DMRTA2: variants seen among roughly 807,000 people sequenced by gnomAD.
The protein encoded by DMRTA2 is DMRT like family A2, also known as doublesex- and mab-3-related transcription factor A2.
A neutral mutation model predicts 29.7 loss-of-function variants in DMRTA2; 10 were observed. The observed-to-expected ratio is 0.34, with a 90% CI of 0.21 to 0.57. DMRTA2 has a LOEUF of 0.57. Ranked by LOEUF, DMRTA2 falls within the 20% of genes least tolerant of loss-of-function variation. DMRTA2 has a pLI of 0.87. For missense variants in DMRTA2, 783 were observed against 812.1 expected, an observed-to-expected ratio of 0.96 and a Z score of 0.44; for synonymous variants, 469 against 402.6, an observed-to-expected ratio of 1.16 and a Z score of -1.97.
At position 50,419,137 on chromosome 1, in the gene DMRTA2, C is replaced by A; in HGVS notation, c.1157G>T (p.Arg386Leu). 1 of 1,179,856 alleles carries A rather than the reference C, an allele frequency of 8.5e-7. No homozygotes were observed. The allele number at this position is 1,179,856 out of a possible 1,614,324, so 73.1% of individuals were successfully genotyped here. ...AAAADDAWPS[R>L]VDAAAAAAAA... ...GGCGGCGGCGGCGGCGGCGTCGACG[C>A]GGCTGGGCCACGCGTCGTCTGCAGC... The change falls in exon 3 of 3, where the codon CGC becomes CTC. Residue 386 changes from arginine (R) to leucine (L), a missense_variant. By Grantham distance (102) the Arg-to-Leu change is moderately radical. Around this residue, in one of 3 missense-constraint regions of DMRTA2, gnomAD observed 667 missense variants for 624.8 expected, o/e 1.07. Transcript: ENST00000404795. The surrounding 1 kb of genome is among the most constrained non-coding windows in gnomAD (Gnocchi z 6.1).
Position 50,422,187 on chromosome 1 carries a change from G to A in DMRTA2, c.-8-643C>T, listed in dbSNP as rs945925854. 5.3e-5 allele frequency among the ~76,000 whole-genome samples: 8 copies of A among 152,216 alleles called. No homozygotes were observed. Among genetic ancestry groups the A allele is most frequent in the Admixed American group, 3.9e-4 (6 of 15,280 alleles). ...ACAACAGAAAGAATAGCTTTAGGAA[G>A]CAGAGTGAGGACGAGGAAACAACTT... On this transcript the variant is annotated intron_variant, in intron 1 of 2. Transcript: ENST00000404795. This position sits in a 1 kb window ranked among gnomAD's most constrained non-coding sequence, Gnocchi z 5.7.
Position 50,419,283 on chromosome 1 carries a change from C to T in DMRTA2, c.1011G>A (p.Gln337=). The change falls in exon 3 of 3, where the codon CAG becomes CAA. Residue 337 remains glutamine, a synonymous_variant. Coordinates refer to ENST00000404795, the MANE Select transcript of DMRTA2 (RefSeq NM_032110.3). This position sits in a 1 kb window ranked among gnomAD's most constrained non-coding sequence, Gnocchi z 6.1. The part of the protein sequence containing the change: ...HRRGVLELVL[Q]GCGGDVVQAI... ...CCTGCACCACGTCGCCGCCGCAGCCCTGCAACACCAGCTCCAGGACGCCTC... is the reference window on the plus strand; with the variant it reads ...CCTGCACCACGTCGCCGCCGCAGCCTTGCAACACCAGCTCCAGGACGCCTC... 6.3e-7 allele frequency: 1 copy of T among 1,593,944 alleles called. No homozygotes were observed. The highest frequency in any genetic ancestry group is 8.5e-7 in the Non-Finnish European group (1 of 1,178,058).
In DMRTA2 at chr1:50,418,572, CAG is replaced by C; in HGVS notation, c.*91_*92del. 8.9e-7 allele frequency: 1 copy of C among 1,129,562 alleles called. No homozygotes were observed. The highest frequency in any genetic ancestry group is 1.2e-6 in the Non-Finnish European group (1 of 864,876). The allele number at this position is 1,129,562 out of a possible 1,614,324, so 70.0% of individuals were successfully genotyped here. On this transcript the variant is annotated 3_prime_UTR_variant, in exon 3 of 3. Coordinates refer to ENST00000404795, the MANE Select transcript of DMRTA2 (RefSeq NM_032110.3). ...AGTGAGAAGACGCCCAGCCAGGGCG[CAG>C]AGAGAGCGCTGGGCGAAGAGGGGTC... is the stretch of plus-strand genomic sequence containing the variant.
rs1645997175 is a variant in DMRTA2 at position 50,417,864 on chromosome 1, T to C, written c.*801A>G. On this transcript the variant is annotated 3_prime_UTR_variant, in exon 3 of 3. Transcript: ENST00000404795. ...CCTGATAAGTACAATGCGCGCATAG[T>C]CTAATTTTTTTCCATTTTGTCCCTT... 1 of 152,194 alleles carries C rather than the reference T, an allele frequency of 6.6e-6. No individual in the cohort carries two copies. Among genetic ancestry groups the C allele is most frequent in the Admixed American group, 6.5e-5 (1 of 15,286 alleles). 9.4% of individuals were successfully genotyped at this position (152,194 alleles called of 1,614,324 possible). A position where few individuals can be genotyped will look rare whatever the true frequency, so the allele number is the denominator to read the frequency against.
Position 50,420,922 on chromosome 1 carries a change from C to A in DMRTA2, c.559+56G>T, listed in dbSNP as rs1027340548. 2 of 1,397,710 alleles carry A rather than the reference C, an allele frequency of 1.4e-6. No homozygotes were observed. Among genetic ancestry groups the A allele is most frequent in the African/African-American group, 3.1e-5 (2 of 65,368 alleles). 86.6% of individuals were successfully genotyped at this position (1,397,710 alleles called of 1,614,324 possible). ...TGAACCGAGACAAGCCCCTGGGCCC[C>A]GTGCCCCAGAGCTACGATCCTGCTG... is the stretch of plus-strand genomic sequence containing the variant. On this transcript the variant is annotated intron_variant, in intron 2 of 2. Coordinates refer to ENST00000404795, the MANE Select transcript of DMRTA2 (RefSeq NM_032110.3). This position sits in a 1 kb window ranked among gnomAD's most constrained non-coding sequence, Gnocchi z 4.1.
At position 50,422,142 on chromosome 1, in the gene DMRTA2, A is replaced by G. The variant is rs1225817502; in HGVS notation, c.-8-598T>C. On this transcript the variant is annotated intron_variant, in intron 1 of 2. Transcript: ENST00000404795. The surrounding 1 kb of genome is among the most constrained non-coding windows in gnomAD (Gnocchi z 5.7). ...TATTTTTAATGCAGTTTGGGGCAGA[A>G]GCTTTGGAGAGAAAAATCAACAACA... Among the ~76,000 whole-genome samples the G allele has an allele frequency of 1.3e-5, 2 of 152,182 alleles. No individual in the cohort carries two copies. The highest frequency in any genetic ancestry group is 4.8e-5 in the African/African-American group (2 of 41,440).
At position 50,418,634 on chromosome 1, in the gene DMRTA2, T is replaced by C; in HGVS notation, c.*31A>G. ...CGGGAACAGGGCTGGGGTTCCTGTT[T>C]GGGGACCGGCCGGCTGCCAGGCCCC... On this transcript the variant is annotated 3_prime_UTR_variant, in exon 3 of 3. Coordinates refer to ENST00000404795, the MANE Select transcript of DMRTA2 (RefSeq NM_032110.3). 1 of 1,365,158 alleles carries C rather than the reference T, an allele frequency of 7.3e-7. No individual in the cohort carries two copies. The highest frequency in any genetic ancestry group is 9.5e-7 in the Non-Finnish European group (1 of 1,055,184). 84.6% of individuals were successfully genotyped at this position (1,365,158 alleles called of 1,614,324 possible).
Position 50,421,378 on chromosome 1 carries a change from C to G in DMRTA2, c.159G>C (p.Gly53=), listed in dbSNP as rs968821956. 4.0e-6 allele frequency: 6 copies of G among 1,496,802 alleles called. No homozygotes were observed. The African/African-American group carries it at 5.8e-5, about 15-fold the overall frequency. 92.7% of individuals were successfully genotyped at this position (1,496,802 alleles called of 1,614,324 possible). The change falls in exon 2 of 3, where the codon GGG becomes GGC. Residue 53 remains glycine (G), a synonymous_variant. Transcript: ENST00000404795. The surrounding 1 kb of genome is among the most constrained non-coding windows in gnomAD (Gnocchi z 8.7). ...CGGCTGCCCGCAGCAACAGTGGCGG[C>G]CCCCGCAGCAAGCCGCCTGCCACGC... ...PVSVAGGLLR[G]PPLLLRAAEK...
In DMRTA2 at chr1:50,419,615, C is replaced by G. The variant is rs751742435; in HGVS notation, c.679G>C (p.Gly227Arg). Reference sequence around the variant, plus strand: ...GGCCGCACCTCTGGGGACGACGTCCCGGGCCCCGAGTCTGCGCCGTCGGGT... The same window carrying G: ...GGCCGCACCTCTGGGGACGACGTCCGGGGCCCCGAGTCTGCGCCGTCGGGT... ...LSPDGADSGP[G>R]TSSPEVRPGS... Residue 227 changes from glycine (G) to arginine (R), a missense_variant, in exon 3 of 3, where the codon GGG (glycine) becomes CGG (arginine). Physicochemically the swap from Gly to Arg is moderately radical, Grantham distance 125. Around this residue, in one of 3 missense-constraint regions of DMRTA2, gnomAD observed 667 missense variants for 624.8 expected, o/e 1.07. Transcript: ENST00000404795. The surrounding 1 kb of genome is among the most constrained non-coding windows in gnomAD (Gnocchi z 6.1). 4 of 1,530,824 alleles carry G rather than the reference C, an allele frequency of 2.6e-6. No homozygotes were observed. Among genetic ancestry groups the G allele is most frequent in the African/African-American group, 1.4e-5 (1 of 70,532 alleles). The allele number at this position is 1,530,824 out of a possible 1,614,324, so 94.8% of individuals were successfully genotyped here.
rs953992020 is a variant in DMRTA2 at position 50,420,583 on chromosome 1, G to A, written c.559+395C>T. On this transcript the variant is annotated intron_variant, in intron 2 of 2. Coordinates refer to ENST00000404795, the MANE Select transcript of DMRTA2 (RefSeq NM_032110.3). This position sits in a 1 kb window ranked among gnomAD's most constrained non-coding sequence, Gnocchi z 4.1. ...ACCTAGGGTGTCAGTTAAAGGGGGG[G>A]GGATTCCTTAAGGGAGTTGGGAAGG... Among the ~76,000 whole-genome samples the A allele has an allele frequency of 2.0e-5, 3 of 152,086 alleles. No individual in the cohort carries two copies. Among genetic ancestry groups the A allele is most frequent in the Non-Finnish European group, 1.5e-5 (1 of 68,010 alleles).
At position 50,419,231 on chromosome 1, in the gene DMRTA2, G is replaced by A. The variant is rs1646016473; in HGVS notation, c.1063C>T (p.Arg355Cys). The change falls in exon 3 of 3, where the codon CGT becomes TGT. Residue 355 changes from arginine (R) to cysteine (C), a missense_variant. Transcript: ENST00000404795. The surrounding 1 kb of genome is among the most constrained non-coding windows in gnomAD (Gnocchi z 6.1). ...CCCAGGCCGGCCGCCAGGCCCCCAC[G>A]GTGGTGGTTCAGCACCTGCTCGATG... ...QAIEQVLNHH[R>C]GGLAAGLGPA... The A allele has an allele frequency of 6.6e-7, 1 of 1,505,952 alleles. No individual in the cohort carries two copies. The highest frequency in any genetic ancestry group is 8.8e-7 in the Non-Finnish European group (1 of 1,134,390). The allele number at this position is 1,505,952 out of a possible 1,614,324, so 93.3% of individuals were successfully genotyped here.
At position 50,422,788 on chromosome 1, in the gene DMRTA2, C is replaced by G. The variant is rs1267130125; in HGVS notation, c.-9+328G>C. Reference sequence around the variant, plus strand: ...CTAGGACACGGATGGCCCAGCAGGCCGCACCAAGCCAGGGGAGTCGCCTTC... The same window carrying G: ...CTAGGACACGGATGGCCCAGCAGGCGGCACCAAGCCAGGGGAGTCGCCTTC... On this transcript the variant is annotated intron_variant, in intron 1 of 2. Coordinates refer to ENST00000404795, the MANE Select transcript of DMRTA2 (RefSeq NM_032110.3). This position sits in a 1 kb window ranked among gnomAD's most constrained non-coding sequence, Gnocchi z 5.7. 3.3e-5 allele frequency among the ~76,000 whole-genome samples: 5 copies of G among 152,170 alleles called. No individual in the cohort carries two copies. The highest frequency in any genetic ancestry group is 1.2e-4 in the African/African-American group (5 of 41,438).
At position 50,420,241 on chromosome 1, in the gene DMRTA2, T is replaced by G. The variant is rs1646025829; in HGVS notation, c.560-507A>C. ...GCAGAAGTACAGCCCCTGTTTCTAA[T>G]CCACCCTTTCCAAAATTGAGACCTG... On this transcript the variant is annotated intron_variant, in intron 2 of 2. Coordinates refer to ENST00000404795, the MANE Select transcript of DMRTA2 (RefSeq NM_032110.3). The surrounding 1 kb of genome is among the most constrained non-coding windows in gnomAD (Gnocchi z 4.1). 6.6e-6 allele frequency among the ~76,000 whole-genome samples: 1 copy of G among 152,136 alleles called. No homozygotes were observed. Among genetic ancestry groups the G allele is most frequent in the East Asian group, 1.9e-4 (1 of 5,178 alleles).
At position 50,421,513 on chromosome 1, in the gene DMRTA2, G is replaced by A; in HGVS notation, c.24C>T (p.Pro8=). Residue 8 remains proline (P), a synonymous_variant, in exon 2 of 3, where the codon CCC becomes CCT. Transcript: ENST00000404795. The surrounding 1 kb of genome is among the most constrained non-coding windows in gnomAD (Gnocchi z 8.7). ...CCGCCGTCGCCGCGCCGGGCACGCT[G>A]GGCAGCTCCGAGCGCAGCTCCATGA... MELRSEL[P]SVPGAATAAA... 1 of 1,266,892 alleles carries A rather than the reference G, an allele frequency of 7.9e-7. No individual in the cohort carries two copies. Among genetic ancestry groups the A allele is most frequent in the East Asian group, 3.1e-5 (1 of 31,772 alleles). 78.5% of individuals were successfully genotyped at this position (1,266,892 alleles called of 1,614,324 possible).
Position 50,419,406 on chromosome 1 carries a change from CTCT to C in DMRTA2, c.885_887del (p.Glu296del), listed in dbSNP as rs762169869. 112 of 1,597,554 alleles carry C rather than the reference CTCT, an allele frequency of 7.0e-5. No individual in the cohort carries two copies. The highest frequency in any genetic ancestry group is 1.6e-4 in the Middle Eastern group (1 of 6,068). ...GCCCTGGCGCCGGCGCGGCCTCACC[CTCT>C]TCTTTGTCAGCCTCTGAACCGGATT... On this transcript the variant is annotated inframe_deletion, in exon 3 of 3. Transcript: ENST00000404795. The surrounding 1 kb of genome is among the most constrained non-coding windows in gnomAD (Gnocchi z 6.1).
rs1180728023 is a variant in DMRTA2, at chr1:50,419,611, G to A, written c.683C>T (p.Thr228Met). The A allele has an allele frequency of 6.5e-7, 1 of 1,533,398 alleles. No homozygotes were observed. The allele number at this position is 1,533,398 out of a possible 1,614,324, so 95.0% of individuals were successfully genotyped here. A position where few individuals can be genotyped will look rare whatever the true frequency, so the allele number is the denominator to read the frequency against. Residue 228 changes from threonine to methionine, a missense_variant, in exon 3 of 3, where the codon ACG becomes ATG. This residue lies in a region of DMRTA2 where 667 missense variants were observed against 624.8 expected (regional missense o/e 1.07). Transcript: ENST00000404795. This position sits in a 1 kb window ranked among gnomAD's most constrained non-coding sequence, Gnocchi z 6.1. ...SPDGADSGPGTSSPEVRPGSG... is the reference protein window; with the variant it reads ...SPDGADSGPGMSSPEVRPGSG... Reference sequence around the variant, plus strand: ...GCCGGGCCGCACCTCTGGGGACGACGTCCCGGGCCCCGAGTCTGCGCCGTC... The same window carrying A: ...GCCGGGCCGCACCTCTGGGGACGACATCCCGGGCCCCGAGTCTGCGCCGTC...
In DMRTA2 at chr1:50,418,800, G is replaced by T. The variant is rs749971395; in HGVS notation, c.1494C>A (p.Arg498=). The T allele has an allele frequency of 4.4e-6, 7 of 1,588,166 alleles. No individual in the cohort carries two copies. In the South Asian group the frequency reaches 8.0e-5, roughly 18 times the overall value. ...TAGLVPTLGF[R]PPMDYAFSDL... is the part of the protein sequence containing the mutation. Reference sequence around the variant, plus strand: ...CGCTAAAGGCGTAGTCCATGGGTGGGCGGAAGCCGAGCGTGGGCACCAAGC... The same window carrying T: ...CGCTAAAGGCGTAGTCCATGGGTGGTCGGAAGCCGAGCGTGGGCACCAAGC... Residue 498 remains arginine, a synonymous_variant, in exon 3 of 3, where the codon CGC becomes CGA. Coordinates refer to ENST00000404795, the MANE Select transcript of DMRTA2 (RefSeq NM_032110.3).
In DMRTA2 at chr1:50,421,566, GA is replaced by G; in HGVS notation, c.-8-23del. On this transcript the variant is annotated intron_variant, in intron 1 of 2. Coordinates refer to ENST00000404795, the MANE Select transcript of DMRTA2 (RefSeq NM_032110.3). This position sits in a 1 kb window ranked among gnomAD's most constrained non-coding sequence, Gnocchi z 8.7. ...GGACCTGACGGGAAAGAAGGTGGGA[GA>G]GGGGAGAGACCTGGTGAGGAGCACA... 4 of 1,240,790 alleles carry G rather than the reference GA, an allele frequency of 3.2e-6. No individual in the cohort carries two copies. Among genetic ancestry groups the G allele is most frequent in the Non-Finnish European group, 4.0e-6 (4 of 995,194 alleles). The allele number at this position is 1,240,790 out of a possible 1,614,324, so 76.9% of individuals were successfully genotyped here.
In DMRTA2 at chr1:50,419,078, G is replaced by C; in HGVS notation, c.1216C>G (p.Leu406Val). 8.0e-7 allele frequency: 1 copy of C among 1,254,908 alleles called. No individual in the cohort carries two copies. The highest frequency in any genetic ancestry group is 1.0e-6 in the Non-Finnish European group (1 of 1,003,560). 77.7% of individuals were successfully genotyped at this position (1,254,908 alleles called of 1,614,324 possible). ...AAGGPGLPAP[L>V]QAGPAAPPHH... The stretch of plus-strand genomic sequence containing the variant: ...GGAGGTGCGGCGGGCCCCGCCTGCA[G>C]CGGCGCAGGCAGCCCAGGCCCCCCG... Residue 406 changes from leucine (L) to valine (V), a missense_variant, in exon 3 of 3, where the codon CTG becomes GTG. By Grantham distance (32) the Leu-to-Val change is conservative (BLOSUM62 1). This residue lies in a region of DMRTA2 where 667 missense variants were observed against 624.8 expected (regional missense o/e 1.07). Transcript: ENST00000404795. This position sits in a 1 kb window ranked among gnomAD's most constrained non-coding sequence, Gnocchi z 6.1.
Sources: allele counts gnomAD v4.1 joint callset (sites outside exome capture counted in the v4.1 genomes callset), GRCh38; gene constraint gnomAD v4.1.1; regional missense constraint gnomAD v4.1.1; non-coding constraint Gnocchi (gnomAD v3.1); transcripts MANE v1.5; gene names NCBI Gene and HGNC (gene_info 2026-07-23, HGNC 2026-07-21).